The following TBC1D4 variants were observed in gnomAD, a reference collection of about 807,000 sequenced individuals.
TBC1D4 encodes the protein TBC1 domain family member 4, also known as TBC (Tre-2, BUB2, CDC16) domain-containing protein.
Under a neutral mutation model 142.5 loss-of-function variants are expected in TBC1D4, and 121 were observed. The ratio of observed to expected loss-of-function variants is 0.85; its 90% confidence interval spans 0.73 to 0.99. The LOEUF (loss-of-function observed/expected upper bound fraction) is 0.99, where lower values mean the gene tolerates loss of function less well. Ranked by LOEUF, TBC1D4 falls within the 50% of genes least tolerant of loss-of-function variation. The pLI, the probability that TBC1D4 is intolerant of heterozygous loss-of-function variation, is 0.00. For synonymous variants in TBC1D4, 630 were observed against 628.2 expected, an observed-to-expected ratio of 1.00 and a Z score of -0.04; for missense variants, 1,475 against 1,606.6, an observed-to-expected ratio of 0.92 and a Z score of 1.40.
At chr13:75,349,099 C>G in intron 5 of TBC1D4, 71 bp downstream of exon 5, 1 of 1,606,462 alleles carries the variant, frequency 6.2e-7, no homozygotes, top group Non-Finnish European at 8.5e-7. Flanking sequence ...TATTCAATGA[C>G]AATAGGGACT....
intron 1 of TBC1D4, among the ~76,000 whole-genome samples, chr13:75,402,654 A>ACACACAC (rs1885150359): frequency 7.0e-6 from 1 of 142,362 alleles, no homozygotes; most frequent in South Asian, 2.4e-4. Flanking sequence ...ATCCCTAGTA[A>ACACACAC]ACACACACAC....
chr13:75,428,075 T>A (rs1237090686), intron 1 of TBC1D4, among the ~76,000 whole-genome samples: 1 of 152,176 alleles, frequency 6.6e-6, no homozygotes, highest in Admixed American at 6.5e-5. Flanking sequence ...ACATTGAATA[T>A]CTGGCATTCT....
chr13:75,395,733 G>A (rs749226580), intron 1 of TBC1D4, among the ~76,000 whole-genome samples: 5 of 152,112 alleles, frequency 3.3e-5, no homozygotes, highest in Non-Finnish European at 5.9e-5. Flanking sequence ...AGGAGGCTGG[G>A]GCAGGAGAAT....
chr13:75,482,036 G>T lies in TBC1D4; in HGVS notation c.-269C>A. ...AATGGGCATCCTCCTCCTTGGGCTG[G>T]CGCCTCGGGCAGGACCTCCCCTTCC... On this transcript the variant is annotated 5_prime_UTR_variant, in exon 1 of 21. Transcript: ENST00000377636. The T allele has an allele frequency of 2.7e-6, 1 of 368,432 alleles. No individual in the cohort carries two copies. Among genetic ancestry groups the T allele is most frequent in the Non-Finnish European group, 4.7e-6 (1 of 210,648 alleles). The allele number at this position is 368,432 out of a possible 1,614,324, so 22.8% of individuals were successfully genotyped here. A position where few individuals can be genotyped will look rare whatever the true frequency, so the allele number is the denominator to read the frequency against.
chr13:75,441,523 C>A (rs1276262043), intron 1 of TBC1D4, among the ~76,000 whole-genome samples: 2 of 152,074 alleles, frequency 1.3e-5, no homozygotes, highest in African/African-American at 4.8e-5. Context: ...AGTTTCCCCC[C>A]TTGAGTAACT....
intron 12 of TBC1D4, among the ~76,000 whole-genome samples, chr13:75,316,737 C>T (rs2137963467): frequency 6.6e-6 from 1 of 152,240 alleles, no homozygotes; most frequent in South Asian, 2.1e-4. Context: ...CATCAAAATT[C>T]CTATAACCCA....
chr13:75,433,244 T>C (rs1004072152), intron 1 of TBC1D4, among the ~76,000 whole-genome samples: 2 of 152,196 alleles, frequency 1.3e-5, no homozygotes, highest in African/African-American at 2.4e-5. Context: ...CTCTCACACA[T>C]GGTGGAAAAC....
chr13:75,451,069 C>T (rs1351311809), intron 1 of TBC1D4, among the ~76,000 whole-genome samples: 2 of 152,164 alleles, frequency 1.3e-5, no homozygotes, highest in African/African-American at 4.8e-5. Context: ...TAGGTGCCTG[C>T]AAAATTGATC....
intron 1 of TBC1D4, among the ~76,000 whole-genome samples, chr13:75,420,745 C>A (rs1037874600): frequency 1.3e-5 from 2 of 152,110 alleles, no homozygotes; most frequent in East Asian, 1.9e-4. Context: ...ATAAGTTACA[C>A]CAAATGTAGT....
intron 1 of TBC1D4, among the ~76,000 whole-genome samples, chr13:75,379,887 CTTTTTTTTTTTTTTTTT>C (rs750734086): frequency 0.18 from 17,498 of 98,680 alleles, 1,586 homozygotes; most frequent in East Asian, 0.34. Context: ...TCATCTGACT[CTTTTTTTTTTTTTTTTT>C]TTTTTTTTTT....
chr13:75,314,906 G>T (rs1306042902), intron 12 of TBC1D4, among the ~76,000 whole-genome samples: 3 of 152,180 alleles, frequency 2.0e-5, no homozygotes, highest in Non-Finnish European at 4.4e-5. Flanking sequence ...CTTGAACCCG[G>T]GAGGCAGAGG....
chr13:75,464,614 T>C (rs1381181085), intron 1 of TBC1D4, among the ~76,000 whole-genome samples: 1 of 152,190 alleles, frequency 6.6e-6, no homozygotes, highest in East Asian at 1.9e-4. Flanking sequence ...TATTTCTGGG[T>C]GTGTGTCTTT....
In TBC1D4 at chr13:75,289,095, T is replaced by C; in HGVS notation, c.3502A>G (p.Ile1168Val). 3 of 1,613,756 alleles carry C rather than the reference T, an allele frequency of 1.9e-6. No homozygotes were observed. The highest frequency in any genetic ancestry group is 2.5e-6 in the Non-Finnish European group (3 of 1,179,806). ...KIITQVFEMD[I>V]SKQLHAYEVE... ...TCATAGGCATGCAACTGCTTAGAAA[T>C]ATCCATCTCAAAAACCTGCCATGAA... Residue 1168 changes from isoleucine to valine, a missense_variant, in exon 20 of 21, where the codon ATT becomes GTT. By Grantham distance (29) the Ile-to-Val change is conservative. This residue lies in a region of TBC1D4 where 248 missense variants were observed against 338.9 expected (regional missense o/e 0.73). Coordinates refer to ENST00000377636, the MANE Select transcript of TBC1D4 (RefSeq NM_014832.5).
At chr13:75,442,344 T>C (rs1593890010) in intron 1 of TBC1D4, among the ~76,000 whole-genome samples, 1 of 152,204 alleles carries the variant, frequency 6.6e-6, no homozygotes, top group Non-Finnish European at 1.5e-5. Context: ...CAGTTCTCAA[T>C]AAACATTAGT....
chr13:75,284,007 A>G lies in TBC1D4; in HGVS notation c.*2785T>C, dbSNP rs527869526. ...TGCAAGCTCCGCCTCCCAGGTTCAA[A>G]CTATTCTCCAGCCTCCTATAAGTAG... On this transcript the variant is annotated 3_prime_UTR_variant, in exon 21 of 21. Transcript: ENST00000377636. Among the ~76,000 whole-genome samples the G allele has an allele frequency of 6.6e-6, 1 of 151,996 alleles. No homozygotes were observed. The highest frequency in any genetic ancestry group is 2.1e-4 in the South Asian group (1 of 4,820).
At chr13:75,439,241 C>A (rs1566491134) in intron 1 of TBC1D4, among the ~76,000 whole-genome samples, 1 of 152,150 alleles carries the variant, frequency 6.6e-6, no homozygotes, top group African/African-American at 2.4e-5. Context: ...AGAAATGCCT[C>A]ATAACTTCAT....
chr13:75,288,822 C>T, intron 20 of TBC1D4, 112 bp downstream of exon 20: 1 of 1,142,218 alleles, frequency 8.8e-7, no homozygotes, highest in South Asian at 1.3e-5. Context: ...GATACATGGG[C>T]TCTTGGTTAG....
intron 1 of TBC1D4, among the ~76,000 whole-genome samples, chr13:75,420,836 AG>A (rs35842747): frequency 0.02 from 2,982 of 152,264 alleles, 105 homozygotes; most frequent in African/African-American, 0.068. Context: ...TCAGGGGGAA[AG>A]GGTGAACAAA....
chr13:75,362,120 C>G lies in TBC1D4; in HGVS notation c.986G>C (p.Gly329Ala). 6.2e-7 allele frequency: 1 copy of G among 1,613,900 alleles called. No individual in the cohort carries two copies. Residue 329 changes from glycine to alanine, a missense_variant, in exon 2 of 21, where the codon GGC becomes GCC. Gly to Ala is a moderately conservative substitution (Grantham distance 60). Around this residue, in one of 2 missense-constraint regions of TBC1D4, gnomAD observed 1,227 missense variants for 1,267.7 expected, o/e 0.97. Transcript: ENST00000377636. This position sits in a 1 kb window ranked among gnomAD's most constrained non-coding sequence, Gnocchi z 4.2. ...VTGVQRRVHE[G>A]SQKSQPRRRH... ...CCGTCGCGGCTGGGATTTCTGGCTG[C>G]CCTCGTGAACTCTCCGTTGCACGCC...
Sources: gnomAD v4.1 joint callset for allele counts (sites outside exome capture counted in the v4.1 genomes callset) on GRCh38, gnomAD v4.1.1 for gene constraint, gnomAD v4.1.1 regional missense constraint, Gnocchi (gnomAD v3.1) non-coding constraint, MANE v1.5 for transcripts, NCBI Gene and HGNC (gene_info 2026-07-23, HGNC 2026-07-21) for gene names.